Variants in RGS16 observed in about 807,000 individuals in gnomAD.
RGS16 encodes the protein regulator of G protein signaling 16.
In RGS16, 12 loss-of-function variants were observed where a neutral mutation model predicts 18.1. The ratio of observed to expected loss-of-function variants is 0.66; its 90% confidence interval spans 0.42 to 1.07. The LOEUF (loss-of-function observed/expected upper bound fraction) is 1.07, where lower values mean the gene tolerates loss of function less well. RGS16 is among the 50% of genes least tolerant of loss of function. RGS16 has a pLI of 0.00. For synonymous variants in RGS16, 88 were observed against 102.0 expected (o/e 0.86, Z 0.83); for missense variants, 238 against 249.2 (o/e 0.95, Z 0.30).
chr1:182,603,295 G>A lies in RGS16; in HGVS notation c.89C>T (p.Ser30Leu). The change falls in exon 2 of 5, where the codon TCA (serine) becomes TTA (leucine). Residue 30 changes from serine to leucine, a missense_variant. By Grantham distance (145) the Ser-to-Leu change is moderately radical. Coordinates refer to ENST00000367558, the MANE Select transcript of RGS16 (RefSeq NM_002928.4). ...ACTCCCAGTATCGCAGCCCAGCTCTGATTTGTGAAGAAAGATCCCCAGACG... is the reference window on the plus strand; with the variant it reads ...ACTCCCAGTATCGCAGCCCAGCTCTAATTTGTGAAGAAAGATCCCCAGACG... Reference protein sequence around the residue: ...KTRLGIFLHKSELGCDTGSTG... With the variant: ...KTRLGIFLHKLELGCDTGSTG... 2 of 1,614,176 alleles carry A rather than the reference G, an allele frequency of 1.2e-6. No individual in the cohort carries two copies. The highest frequency in any genetic ancestry group is 1.7e-6 in the Non-Finnish European group (2 of 1,180,030).
intron 4 of RGS16, among the ~76,000 whole-genome samples, chr1:182,601,707 G>T (rs1336359019): frequency 6.6e-6 from 1 of 152,170 alleles, no homozygotes; most frequent in Non-Finnish European, 1.5e-5. Context: ...AAACGGATGG[G>T]TTTATAAAGG....
intron 4 of RGS16, among the ~76,000 whole-genome samples, chr1:182,601,716 G>C (rs944507966): frequency 1.3e-5 from 2 of 152,184 alleles, no homozygotes; most frequent in African/African-American, 4.8e-5. Flanking sequence ...GGTTTATAAA[G>C]GTGGGTATGG....
chr1:182,603,434 C>G (rs536785628), intron 1 of RGS16, 95 bp from the exon 2 acceptor site: 6 of 979,190 alleles, frequency 6.1e-6, no homozygotes, highest in Non-Finnish European at 9.6e-6. Context: ...GGTGGTGCCA[C>G]CCAAACTTTA....
At position 182,604,326 on chromosome 1, in the gene RGS16, C is replaced by A. The variant is rs974246134; in HGVS notation, c.-67G>T. On this transcript the variant is annotated 5_prime_UTR_variant, in exon 1 of 5. Coordinates refer to ENST00000367558, the MANE Select transcript of RGS16 (RefSeq NM_002928.4). ...CAGGCTCCAGGAGGCTCCGCGTGCGCCAGGAAGCAAAGGCGCGGTAGCAGG... is the reference window on the plus strand; with the variant it reads ...CAGGCTCCAGGAGGCTCCGCGTGCGACAGGAAGCAAAGGCGCGGTAGCAGG... 12 of 1,485,756 alleles carry A rather than the reference C, an allele frequency of 8.1e-6. No homozygotes were observed. The highest frequency in any genetic ancestry group is 1.9e-4 in the Middle Eastern group (1 of 5,164). 92.0% of individuals were successfully genotyped at this position (1,485,756 alleles called of 1,614,324 possible).
rs754764870 is a variant in RGS16 at position 182,603,288 on chromosome 1, C to T, written c.96G>A (p.Leu32=). 1 of 1,614,182 alleles carries T rather than the reference C, an allele frequency of 6.2e-7. No homozygotes were observed. The highest frequency in any genetic ancestry group is 2.2e-5 in the East Asian group (1 of 44,882). Residue 32 remains leucine, a synonymous_variant, in exon 2 of 5, where the codon CTG becomes CTA. Transcript: ENST00000367558. ...RLGIFLHKSE[L]GCDTGSTGKF... ...TGCCAGTACTCCCAGTATCGCAGCC[C>T]AGCTCTGATTTGTGAAGAAAGATCC...
At position 182,600,087 on chromosome 1, in the gene RGS16, C is replaced by T. The variant is rs1661833419; in HGVS notation, c.*205G>A. 4 of 591,546 alleles carry T rather than the reference C, an allele frequency of 6.8e-6. No homozygotes were observed. Among genetic ancestry groups the T allele is most frequent in the East Asian group, 2.8e-5 (1 of 35,180 alleles). The allele number at this position is 591,546 out of a possible 1,614,324, so 36.6% of individuals were successfully genotyped here. A position where few individuals can be genotyped will look rare whatever the true frequency, so the allele number is the denominator to read the frequency against. ...TCACAGGTCCTGGAAGTGGGCGGCT[C>T]CTCTCCAGCATGAGTCCCACAGTAT... On this transcript the variant is annotated 3_prime_UTR_variant, in exon 5 of 5. Transcript: ENST00000367558.
At chr1:182,603,946 T>A (rs1011396263) in intron 1 of RGS16, among the ~76,000 whole-genome samples, 2 of 152,182 alleles carry the variant, frequency 1.3e-5, no homozygotes, top group African/African-American at 4.8e-5. Flanking sequence ...CAACGTGGCC[T>A]TCCCGCAGCC....
In RGS16 at chr1:182,600,517, C is replaced by A. The variant is rs780909600; in HGVS notation, c.388-4G>T. ...GGGTCTCATGGTCAATGTTGACCTG[C>A]GGGAAGGAGGACACACACAGGGTGA... On this transcript the variant is annotated splice_polypyrimidine_tract_variant and splice_region_variant and intron_variant, in intron 4 of 4. Transcript: ENST00000367558. 1.2e-6 allele frequency: 2 copies of A among 1,612,878 alleles called. No individual in the cohort carries two copies. Among genetic ancestry groups the A allele is most frequent in the Non-Finnish European group, 1.7e-6 (2 of 1,179,068 alleles).
chr1:182,601,057 C>T (rs1236799909), intron 4 of RGS16, among the ~76,000 whole-genome samples: 2 of 152,246 alleles, frequency 1.3e-5, no homozygotes, highest in Non-Finnish European at 2.9e-5. Context: ...CTGCTCTACA[C>T]AGGTCCATTT....
intron 1 of RGS16, 97 bp downstream of exon 1, chr1:182,604,119 G>T: frequency 2.4e-6 from 3 of 1,269,022 alleles, no homozygotes; most frequent in Non-Finnish European, 3.4e-6. Flanking sequence ...AGCCTCTAGC[G>T]CCCCATCCCC....
intron 3 of RGS16, 36 bp downstream of exon 3, chr1:182,602,384 G>A (rs746892113): frequency 9.4e-6 from 15 of 1,592,250 alleles, no homozygotes; most frequent in Non-Finnish European, 8.6e-6. Context: ...GTACACATGT[G>A]CCACCCAGAG....
chr1:182,600,283 CG>C lies in RGS16; in HGVS notation c.*8del. ...TCTTCCCGGCTGGCTTCCTCACTGC[CG>C]TGGAGACTCAGGTGTGTGAGGGCTC... On this transcript the variant is annotated 3_prime_UTR_variant, in exon 5 of 5. Coordinates refer to ENST00000367558, the MANE Select transcript of RGS16 (RefSeq NM_002928.4). 6.2e-7 allele frequency: 1 copy of C among 1,612,348 alleles called. No homozygotes were observed. Among genetic ancestry groups the C allele is most frequent in the Non-Finnish European group, 8.5e-7 (1 of 1,179,572 alleles).
At position 182,600,336 on chromosome 1, in the gene RGS16, C is replaced by T. The variant is rs1661840392; in HGVS notation, c.565G>A (p.Ala189Thr). ...TCCAGGCTGCAGCTGGACAGAGTGG[C>T]AGAGGCGGCTGAGGCTTGGGCAGCC... ...DLAAQASAAS[A>T]TLSSCSLDEP... The change falls in exon 5 of 5, where the codon GCC becomes ACC. Residue 189 changes from alanine to threonine, a missense_variant. By Grantham distance (58) the Ala-to-Thr change is moderately conservative. Transcript: ENST00000367558. The T allele has an allele frequency of 6.2e-7, 1 of 1,613,844 alleles. No homozygotes were observed. The highest frequency in any genetic ancestry group is 1.1e-5 in the South Asian group (1 of 91,066).
intron 4 of RGS16, among the ~76,000 whole-genome samples, chr1:182,600,747 G>A (rs1357384411): frequency 1.3e-5 from 2 of 152,096 alleles, no homozygotes; most frequent in Non-Finnish European, 2.9e-5. Flanking sequence ...GTATACAAAC[G>A]CAATCCCCTT....
intron 4 of RGS16, 78 bp from the exon 5 acceptor site, chr1:182,600,591 G>T: frequency 8.3e-7 from 1 of 1,206,198 alleles, no homozygotes. Flanking sequence ...CGGCAGGCTG[G>T]GCATTGGAAA....
Position 182,599,968 on chromosome 1 carries a change from T to C in RGS16, c.*324A>G, listed in dbSNP as rs921726281. ...TGTTTCCTAAACCACACTAGAACAC[T>C]TCCTTCTCCGGTGAGAACGAGAGCC... is the stretch of plus-strand genomic sequence containing the variant. On this transcript the variant is annotated 3_prime_UTR_variant, in exon 5 of 5. Transcript: ENST00000367558. 4 of 382,336 alleles carry C rather than the reference T, an allele frequency of 1.0e-5. No individual in the cohort carries two copies. Among genetic ancestry groups the C allele is most frequent in the African/African-American group, 8.2e-5 (4 of 48,826 alleles). The allele number at this position is 382,336 out of a possible 1,614,324, so 23.7% of individuals were successfully genotyped here. A position where few individuals can be genotyped will look rare whatever the true frequency, so the allele number is the denominator to read the frequency against.
At position 182,600,226 on chromosome 1, in the gene RGS16, G is replaced by T; in HGVS notation, c.*66C>A. ...TGCAGAACCTGCCTCCCACACAGGG[G>T]CAGCCACCTCGGGGATGGGTGACTC... is the stretch of plus-strand genomic sequence containing the variant. On this transcript the variant is annotated 3_prime_UTR_variant, in exon 5 of 5. Coordinates refer to ENST00000367558, the MANE Select transcript of RGS16 (RefSeq NM_002928.4). 1 of 1,316,948 alleles carries T rather than the reference G, an allele frequency of 7.6e-7. No homozygotes were observed. The allele number at this position is 1,316,948 out of a possible 1,614,324, so 81.6% of individuals were successfully genotyped here. A position where few individuals can be genotyped will look rare whatever the true frequency, so the allele number is the denominator to read the frequency against.
In RGS16 at chr1:182,603,245, T is replaced by TA. The variant is rs1397634138; in HGVS notation, c.138dup (p.Lys47Ter). 6.2e-7 allele frequency: 1 copy of TA among 1,613,400 alleles called. No homozygotes were observed. The highest frequency in any genetic ancestry group is 8.5e-7 in the Non-Finnish European group (1 of 1,179,382). On this transcript the variant is annotated frameshift_variant, in exon 2 of 5. Transcript: ENST00000367558. LOFTEE classifies it high-confidence loss of function. ...AACACTTACTTCTCTTTGCTGTGTTTACTGCCCCACTCGAACTTGCCAGTA... is the reference window on the plus strand; with the variant it reads ...AACACTTACTTCTCTTTGCTGTGTTTAACTGCCCCACTCGAACTTGCCAGTA...
chr1:182,604,313 G>A lies in RGS16; in HGVS notation c.-54C>T. 1 of 1,509,286 alleles carries A rather than the reference G, an allele frequency of 6.6e-7. No homozygotes were observed. Among genetic ancestry groups the A allele is most frequent in the South Asian group, 1.2e-5 (1 of 80,754 alleles). 93.5% of individuals were successfully genotyped at this position (1,509,286 alleles called of 1,614,324 possible). On this transcript the variant is annotated 5_prime_UTR_variant, in exon 1 of 5. Coordinates refer to ENST00000367558, the MANE Select transcript of RGS16 (RefSeq NM_002928.4). ...GGCAGGATGGTGGCAGGCTCCAGGA[G>A]GCTCCGCGTGCGCCAGGAAGCAAAG...
Sources: allele counts gnomAD v4.1 joint callset (sites outside exome capture counted in the v4.1 genomes callset), GRCh38; gene constraint gnomAD v4.1.1; transcripts MANE v1.5; gene names NCBI Gene and HGNC (gene_info 2026-07-23, HGNC 2026-07-21).